The following SLC9A9 variants were observed in gnomAD, a reference collection of about 807,000 sequenced individuals.
SLC9A9 encodes the protein sodium/hydrogen exchanger 9.
In SLC9A9, 62 loss-of-function variants were observed where a neutral mutation model predicts 77.8. The ratio of observed to expected loss-of-function variants is 0.80; its 90% CI spans 0.65 to 0.98. The LOEUF (loss-of-function observed/expected upper bound fraction) is 0.98. Among genes scored for constraint, SLC9A9 ranks in the 50% least tolerant of loss-of-function variants. The probability of loss-of-function intolerance (pLI) is 0.00; values close to 1 mark genes in which losing one functional copy is unlikely to be tolerated. For missense variants in SLC9A9, 775 were observed against 774.9 expected (o/e 1.00, Z 0.00); for synonymous variants, 320 against 283.5 (o/e 1.13, Z -1.29).
chr3:143,623,357 GT>G (rs2038256194), intron 6 of SLC9A9, among the ~76,000 whole-genome samples: 4 of 152,110 alleles, frequency 2.6e-5, no homozygotes, highest in African/African-American at 9.7e-5. Flanking sequence ...TGACCACATA[GT>G]TGGAAGTAAA....
chr3:143,552,266 T>G, intron 9 of SLC9A9, 96 bp downstream of exon 9: 1 of 841,218 alleles, frequency 1.2e-6, no homozygotes, highest in South Asian at 1.7e-5. Context: ...ATTCTTCCTT[T>G]ACTAATGAAA....
At position 143,266,997 on chromosome 3, in the gene SLC9A9, T is replaced by TTTC. The variant is rs202191946; in HGVS notation, c.1711-69_1711-68insGAA. On this transcript the variant is annotated intron_variant, in intron 15 of 15. Coordinates refer to ENST00000316549, the MANE Select transcript of SLC9A9 (RefSeq NM_173653.4). ...CAGAAAACAATAGCAGTCCTACAAT[T>TTTC]TTTTTTTTTTTTTAAACAGAATGCA... 2,279 of 1,351,774 alleles carry TTTC rather than the reference T, an allele frequency of 1.7e-3. 19 individuals are homozygous for TTTC. The African/African-American group carries it at 0.034, about 20-fold the overall frequency. 83.7% of individuals were successfully genotyped at this position (1,351,774 alleles called of 1,614,324 possible).
At chr3:143,810,396 G>A (rs906001374) in intron 2 of SLC9A9, among the ~76,000 whole-genome samples, 2 of 152,190 alleles carry the variant, frequency 1.3e-5, no homozygotes, top group African/African-American at 2.4e-5. Context: ...CCATCCTAGT[G>A]AGGGATTGTG....
chr3:143,445,842 T>G (rs1464965940), intron 12 of SLC9A9, among the ~76,000 whole-genome samples: 1 of 152,072 alleles, frequency 6.6e-6, no homozygotes, highest in Non-Finnish European at 1.5e-5. Context: ...ATGTTAAAAG[T>G]TTTTGATTGT....
At chr3:143,665,485 G>A (rs1462147382) in intron 5 of SLC9A9, among the ~76,000 whole-genome samples, 1 of 151,988 alleles carries the variant, frequency 6.6e-6, no homozygotes, top group Non-Finnish European at 1.5e-5. Flanking sequence ...TAAAATCAGA[G>A]CAGAACTGAA....
At chr3:143,674,342 A>T (rs1360500327) in intron 5 of SLC9A9, among the ~76,000 whole-genome samples, 1 of 152,174 alleles carries the variant, frequency 6.6e-6, no homozygotes, top group African/African-American at 2.4e-5. Flanking sequence ...CATTTTTAGG[A>T]AATTTTTCTA....
chr3:143,395,590 A>T (rs376153648), intron 12 of SLC9A9, among the ~76,000 whole-genome samples: 3 of 152,148 alleles, frequency 2.0e-5, no homozygotes, highest in South Asian at 2.1e-4. Flanking sequence ...AAGCCAAAAT[A>T]GACAAATGGG....
chr3:143,579,125 T>C (rs1467479179), intron 6 of SLC9A9, among the ~76,000 whole-genome samples: 1 of 152,216 alleles, frequency 6.6e-6, no homozygotes, highest in Non-Finnish European at 1.5e-5. Flanking sequence ...AGTGCACTTT[T>C]ATGGCCTGTG....
intron 14 of SLC9A9, among the ~76,000 whole-genome samples, chr3:143,346,008 T>C (rs1048409501): frequency 6.6e-6 from 1 of 152,158 alleles, no homozygotes. Flanking sequence ...TTAAAGCTAC[T>C]GAATGCAAAG....
intron 4 of SLC9A9, among the ~76,000 whole-genome samples, chr3:143,791,178 C>G (rs189608601): frequency 1.3e-5 from 2 of 152,186 alleles, no homozygotes; most frequent in Admixed American, 1.3e-4. Context: ...GGAGAGGGTA[C>G]TAGAGAAGGT....
intron 12 of SLC9A9, among the ~76,000 whole-genome samples, chr3:143,458,557 A>G (rs2035133900): frequency 6.6e-6 from 1 of 151,940 alleles, no homozygotes; most frequent in Non-Finnish European, 1.5e-5. Flanking sequence ...TTTCCATTTT[A>G]ATTTACCTAT....
At chr3:143,750,461 C>T (rs150954115) in intron 4 of SLC9A9, among the ~76,000 whole-genome samples, 38 of 152,288 alleles carry the variant, frequency 2.5e-4, no homozygotes, top group Non-Finnish European at 4.9e-4. Flanking sequence ...AAAACAGGAA[C>T]CTAATTAATT....
chr3:143,533,816 C>T (rs958443860), intron 9 of SLC9A9, among the ~76,000 whole-genome samples: 4 of 152,270 alleles, frequency 2.6e-5, no homozygotes, highest in Admixed American at 1.3e-4. Context: ...AAGCTCTATG[C>T]ACATTTTTCA....
At chr3:143,588,663 G>A (rs1472170817) in intron 6 of SLC9A9, among the ~76,000 whole-genome samples, 1 of 152,242 alleles carries the variant, frequency 6.6e-6, no homozygotes, top group Non-Finnish European at 1.5e-5. Flanking sequence ...AATTGAATTA[G>A]TCTGTGGGCT....
At chr3:143,805,576 A>G (rs1309365837) in intron 2 of SLC9A9, among the ~76,000 whole-genome samples, 3 of 152,206 alleles carry the variant, frequency 2.0e-5, no homozygotes, top group Non-Finnish European at 4.4e-5. Context: ...AAAAGAAGTG[A>G]AAATGGCTGG....
At chr3:143,553,762 A>G (rs558753817) in intron 8 of SLC9A9, among the ~76,000 whole-genome samples, 1 of 152,238 alleles carries the variant, frequency 6.6e-6, no homozygotes, top group Non-Finnish European at 1.5e-5. Flanking sequence ...AGGAAATTTT[A>G]CCATGAAATA....
At chr3:143,658,164 C>T (rs2038924453) in intron 5 of SLC9A9, among the ~76,000 whole-genome samples, 1 of 152,150 alleles carries the variant, frequency 6.6e-6, no homozygotes, top group Non-Finnish European at 1.5e-5. Context: ...CTGTGCCTGG[C>T]CTCTAATATG....
intron 5 of SLC9A9, among the ~76,000 whole-genome samples, chr3:143,668,735 G>T (rs996092726): frequency 6.6e-6 from 1 of 152,306 alleles, no homozygotes; most frequent in Non-Finnish European, 1.5e-5. Context: ...CCCACCATGT[G>T]GTTAGCTCCT....
intron 14 of SLC9A9, among the ~76,000 whole-genome samples, chr3:143,274,936 T>C (rs951264731): frequency 6.6e-6 from 1 of 152,228 alleles, no homozygotes; most frequent in Admixed American, 6.5e-5. Context: ...ACAGTCTATA[T>C]TGTTTCCCTC....
Sources: gnomAD v4.1 joint callset for allele counts (sites outside exome capture counted in the v4.1 genomes callset) on GRCh38, gnomAD v4.1.1 for gene constraint, MANE v1.5 for transcripts, NCBI Gene and HGNC (gene_info 2026-07-23, HGNC 2026-07-21) for gene names.